CEP112: variants seen among roughly 807,000 people sequenced by gnomAD.
CEP112 encodes centrosomal protein 112, also known as centrosomal protein of 112 kDa.
In CEP112, 127 loss-of-function variants were observed where a neutral mutation model predicts 153.0. The ratio of observed to expected loss-of-function variants is 0.83; its 90% CI spans 0.72 to 0.96. CEP112 has a LOEUF of 0.96. Among genes scored for constraint, CEP112 ranks in the 40% least tolerant of loss-of-function variants. The pLI is 0.00. For synonymous variants in CEP112, 358 were observed against 374.4 expected (o/e 0.96, Z 0.51); for missense variants, 1,089 against 1,101.2 (o/e 0.99, Z 0.16).
rs544457212 is a variant in CEP112, at chr17:65,919,033, G to A, written c.1980+8549C>T. On this transcript the variant is annotated intron_variant, in intron 19 of 26. Coordinates refer to ENST00000535342, the MANE Select transcript of CEP112 (RefSeq NM_001199165.4). ...GTTATAAAATGTGAGGATTAGACCG[G>A]ATAAGTGCTTTTAAAACTTTTCCAC... Among the ~76,000 whole-genome samples the A allele has an allele frequency of 2.0e-5, 3 of 152,258 alleles. No homozygotes were observed. In the South Asian group the frequency reaches 6.2e-4, roughly 32 times the overall value.
At chr17:66,015,956 G>T (rs2064752961) in intron 16 of CEP112, among the ~76,000 whole-genome samples, 1 of 152,094 alleles carries the variant, frequency 6.6e-6, no homozygotes, top group Non-Finnish European at 1.5e-5. Flanking sequence ...CAGTCTGAAA[G>T]GTCATTATGC....
chr17:66,033,919 G>A (rs939845389), intron 12 of CEP112, among the ~76,000 whole-genome samples: 7 of 152,114 alleles, frequency 4.6e-5, no homozygotes, highest in African/African-American at 1.4e-4. Context: ...GGTTTGAACT[G>A]TATGGGTCCA....
At chr17:65,760,888 T>C (rs1196860280) in intron 21 of CEP112, among the ~76,000 whole-genome samples, 1 of 152,090 alleles carries the variant, frequency 6.6e-6, no homozygotes, top group Non-Finnish European at 1.5e-5. Flanking sequence ...GTGTATTCTG[T>C]TTTGGAAAAG....
In CEP112 at chr17:65,881,072, A is replaced by G. The variant is rs199879239; in HGVS notation, c.2163+21080T>C. Among the ~76,000 whole-genome samples the G allele has an allele frequency of 2.3e-4, 35 of 152,212 alleles. No homozygotes were observed. In the East Asian group the frequency reaches 5.2e-3, roughly 23 times the overall value. On this transcript the variant is annotated intron_variant, in intron 20 of 26. Coordinates refer to ENST00000535342, the MANE Select transcript of CEP112 (RefSeq NM_001199165.4). ...TCTACTAAAATACAAAAAATTAGCC[A>G]GGCATGCTGGCATGCGCTTGTAGTC...
intron 24 of CEP112, among the ~76,000 whole-genome samples, chr17:65,686,039 A>G (rs2047770450): frequency 6.6e-6 from 1 of 151,416 alleles, no homozygotes; most frequent in Non-Finnish European, 1.5e-5. Flanking sequence ...TAGATAAAAG[A>G]TTAAGTTAAA....
intron 24 of CEP112, among the ~76,000 whole-genome samples, chr17:65,675,564 A>G (rs2047190301): frequency 6.6e-6 from 1 of 152,174 alleles, no homozygotes; most frequent in Admixed American, 6.5e-5. Context: ...TCCAGAAAAC[A>G]GAGACAGAAT....
At chr17:65,750,519 TG>T in intron 22 of CEP112, 142 bp downstream of exon 22, 1 of 651,670 alleles carries the variant, frequency 1.5e-6, no homozygotes, top group Non-Finnish European at 2.7e-6. Context: ...ATTGTTTATT[TG>T]TATACCCATA....
chr17:65,964,821 G>C (rs1336406496), intron 17 of CEP112, among the ~76,000 whole-genome samples: 2 of 152,062 alleles, frequency 1.3e-5, no homozygotes, highest in African/African-American at 4.8e-5. Context: ...AAAAGCACTT[G>C]GGAAGACCAT....
intron 15 of CEP112, 59 bp downstream of exon 15, chr17:66,028,254 T>C (rs543513691): frequency 1.9e-6 from 2 of 1,040,520 alleles, no homozygotes; most frequent in Non-Finnish European, 2.9e-6. Context: ...CAATGATACA[T>C]CTGAATCAAG....
At chr17:65,900,640 C>A (rs570238288) in intron 20 of CEP112, among the ~76,000 whole-genome samples, 2 of 152,216 alleles carry the variant, frequency 1.3e-5, no homozygotes, top group African/African-American at 4.8e-5. Context: ...TTCTACTATG[C>A]AAACAAATCC....
At position 65,958,365 on chromosome 17, in the gene CEP112, C is replaced by T. The variant is rs139801105; in HGVS notation, c.1872+3098G>A. ...GCATATTACATACATGTATATTACA[C>T]GCATTACATTATATGTAACATGAAT... is the stretch of plus-strand genomic sequence containing the variant. On this transcript the variant is annotated intron_variant, in intron 18 of 26. Coordinates refer to ENST00000535342, the MANE Select transcript of CEP112 (RefSeq NM_001199165.4). 4.5e-3 allele frequency among the ~76,000 whole-genome samples: 684 copies of T among 152,272 alleles called. 1 individual carries two copies. Among genetic ancestry groups the T allele is most frequent in the Admixed American group, 9.9e-3 (152 of 15,296 alleles).
intron 4 of CEP112, among the ~76,000 whole-genome samples, chr17:66,138,571 A>G (rs1439124007): frequency 1.3e-5 from 2 of 152,226 alleles, no homozygotes; most frequent in African/African-American, 4.8e-5. Context: ...TTAATAACAA[A>G]GTGTGTGAGT....
chr17:66,087,715 C>T (rs564516281), intron 8 of CEP112, among the ~76,000 whole-genome samples: 6 of 152,236 alleles, frequency 3.9e-5, no homozygotes, highest in South Asian at 2.1e-4. Flanking sequence ...AAAGACATAA[C>T]GCAGAATGTA....
chr17:65,849,821 T>C (rs903278011), intron 21 of CEP112, among the ~76,000 whole-genome samples: 3 of 152,176 alleles, frequency 2.0e-5, no homozygotes, highest in African/African-American at 7.2e-5. Flanking sequence ...CAGTCTCTCT[T>C]TTATCTGCTA....
intron 23 of CEP112, among the ~76,000 whole-genome samples, chr17:65,720,806 A>G (rs180848141): frequency 5.9e-5 from 9 of 152,212 alleles, no homozygotes; most frequent in Non-Finnish European, 8.8e-5. Context: ...AATGCTTTTC[A>G]AACATTAGTT....
At chr17:65,739,759 GA>G (rs1485987540) in intron 23 of CEP112, among the ~76,000 whole-genome samples, 1 of 151,962 alleles carries the variant, frequency 6.6e-6, no homozygotes, top group Non-Finnish European at 1.5e-5. Flanking sequence ...CTACTCTTAC[GA>G]ATTTTGTTCG....
intron 17 of CEP112, 64 bp from the exon 18 acceptor site, chr17:65,961,662 A>C: frequency 1.4e-6 from 2 of 1,415,370 alleles, no homozygotes; most frequent in Admixed American, 4.3e-5. Context: ...ATGAAAGAAC[A>C]ATATTTAACC....
At chr17:66,119,511 T>C (rs2069469609) in intron 6 of CEP112, among the ~76,000 whole-genome samples, 1 of 151,856 alleles carries the variant, frequency 6.6e-6, no homozygotes, top group Admixed American at 6.6e-5. Context: ...TTCCATTCAA[T>C]ATAATATATT....
chr17:65,807,035 T>G (rs2145873322), intron 21 of CEP112, among the ~76,000 whole-genome samples: 1 of 152,300 alleles, frequency 6.6e-6, no homozygotes, highest in East Asian at 1.9e-4. Flanking sequence ...TTAAATGGTT[T>G]GACCAAAATG....
Sources: allele counts gnomAD v4.1 joint callset (sites outside exome capture counted in the v4.1 genomes callset), GRCh38; gene constraint gnomAD v4.1.1; transcripts MANE v1.5; gene names NCBI Gene and HGNC (gene_info 2026-07-23, HGNC 2026-07-21).